Variants in RBM5 observed in about 807,000 individuals in gnomAD.
The protein encoded by RBM5 is RNA-binding protein 5.
In RBM5, 15 loss-of-function variants were observed where a neutral mutation model predicts 124.6. That is an observed-to-expected ratio of 0.12 (90% CI 0.08 to 0.19). The LOEUF (loss-of-function observed/expected upper bound fraction) is 0.19, where lower values mean the gene tolerates loss of function less well. Ranked by LOEUF, RBM5 falls within the 10% of genes least tolerant of loss-of-function variation. The pLI, the probability that RBM5 is intolerant of heterozygous loss-of-function variation, is 1.00. For synonymous variants in RBM5, 337 were observed against 361.2 expected, an observed-to-expected ratio of 0.93 and a Z score of 0.76; for missense variants, 580 against 1,026.5, an observed-to-expected ratio of 0.57 and a Z score of 5.94.
chr3:50,114,577 G>C (rs2091207803), intron 20 of RBM5: 1 of 279,634 alleles, frequency 3.6e-6, no homozygotes, highest in South Asian at 6.9e-5. Context: ...TACTGGTCTG[G>C]GTGGGCCATT....
At chr3:50,110,014 C>G (rs1351383479) in intron 15 of RBM5, among the ~76,000 whole-genome samples, 1 of 152,042 alleles carries the variant, frequency 6.6e-6, no homozygotes, top group Non-Finnish European at 1.5e-5. Context: ...AGATCAAGAC[C>G]ATCCTGGCTA....
intron 6 of RBM5, chr3:50,101,147 CTAGT>C (rs5848906): frequency 0.53 from 80,061 of 151,654 alleles, 21,742 homozygotes; most frequent in East Asian, 0.86. Flanking sequence ...GCTGTCTAAT[CTAGT>C]TAGAGTGGCA....
chr3:50,095,219 A>G (rs1685517854), intron 4 of RBM5, among the ~76,000 whole-genome samples: 2 of 152,156 alleles, frequency 1.3e-5, no homozygotes, highest in South Asian at 4.2e-4. Flanking sequence ...AAAGAAGTAA[A>G]TTACCATATT....
At chr3:50,103,754 G>A (rs2090984034) in intron 7 of RBM5, among the ~76,000 whole-genome samples, 1 of 152,148 alleles carries the variant, frequency 6.6e-6, no homozygotes, top group African/African-American at 2.4e-5. Flanking sequence ...CTCAGTTTTT[G>A]GCGTAGTCTC....
At chr3:50,095,661 T>G (rs753779421) in intron 4 of RBM5, among the ~76,000 whole-genome samples, 7 of 151,816 alleles carry the variant, frequency 4.6e-5, no homozygotes, top group African/African-American at 9.7e-5. Context: ...GGGCAGAGCT[T>G]CTTCTTCGTT....
chr3:50,090,277 T>G, intron 1 of RBM5, 105 bp from the exon 2 acceptor site: 1 of 685,358 alleles, frequency 1.5e-6, no homozygotes, highest in Non-Finnish European at 2.4e-6. Flanking sequence ...CTGTCAATGA[T>G]TTGAAGGTTT....
chr3:50,106,590 C>T, intron 10 of RBM5, 177 bp from the exon 11 acceptor site: 1 of 577,570 alleles, frequency 1.7e-6, no homozygotes, highest in Non-Finnish European at 3.1e-6. Context: ...TACTGGAAAC[C>T]TTCACATCTT....
At chr3:50,109,496 C>A in intron 14 of RBM5, 107 bp from the exon 15 acceptor site, 1 of 832,204 alleles carries the variant, frequency 1.2e-6, no homozygotes, top group Non-Finnish European at 2.0e-6. Context: ...TTATGAAGAA[C>A]TGACATATAC....
chr3:50,098,465 G>A (rs1275935320), intron 4 of RBM5, among the ~76,000 whole-genome samples: 1 of 151,116 alleles, frequency 6.6e-6, no homozygotes, highest in Non-Finnish European at 1.5e-5. Flanking sequence ...TTTTTTTTGA[G>A]ACGGAGTCTC....
rs932142313 is a variant in RBM5, at chr3:50,110,602, C to A, written c.1364-77C>A. 2.8e-6 allele frequency: 4 copies of A among 1,453,548 alleles called. No individual in the cohort carries two copies. The African/African-American group carries it at 4.2e-5, about 15-fold the overall frequency. The allele number at this position is 1,453,548 out of a possible 1,614,324, so 90.0% of individuals were successfully genotyped here. A position where few individuals can be genotyped will look rare whatever the true frequency, so the allele number is the denominator to read the frequency against. ...CAGAGAAGAAACATTAGGCCTGCTG[C>A]ATCTCACTGGCTTAGAATTTGAAAT... On this transcript the variant is annotated intron_variant, in intron 16 of 24. Coordinates refer to ENST00000347869, the MANE Select transcript of RBM5 (RefSeq NM_005778.4).
At position 50,105,141 on chromosome 3, in the gene RBM5, T is replaced by C. The variant is rs1344439018; in HGVS notation, c.693T>C (p.Asp231=). ...ESVQSVDYYC[D]TIILRNIAPH... ...TTCAGTCTGTGGATTACTACTGTGATAGTAAGTTCATACACGATCTTTTGG... is the reference window on the plus strand; with the variant it reads ...TTCAGTCTGTGGATTACTACTGTGACAGTAAGTTCATACACGATCTTTTGG... Residue 231 remains aspartate, a splice_region_variant and synonymous_variant, in exon 9 of 25, where the codon GAT becomes GAC. Transcript: ENST00000347869. 1 of 1,583,904 alleles carries C rather than the reference T, an allele frequency of 6.3e-7. No individual in the cohort carries two copies. The highest frequency in any genetic ancestry group is 8.7e-7 in the Non-Finnish European group (1 of 1,153,014).
chr3:50,117,199 G>A lies in RBM5; in HGVS notation c.2192+28G>A, dbSNP rs752203209. On this transcript the variant is annotated intron_variant, in intron 23 of 24. Coordinates refer to ENST00000347869, the MANE Select transcript of RBM5 (RefSeq NM_005778.4). This position sits in a 1 kb window ranked among gnomAD's most constrained non-coding sequence, Gnocchi z 4.2. ...ATGTGATGTGCACATTTTCCAGTTCGTAAGCTGGGGCCCTGGCTGTTTTAA... is the reference window on the plus strand; with the variant it reads ...ATGTGATGTGCACATTTTCCAGTTCATAAGCTGGGGCCCTGGCTGTTTTAA... 2.2e-4 allele frequency: 353 copies of A among 1,614,072 alleles called. No homozygotes were observed. Among genetic ancestry groups the A allele is most frequent in the Non-Finnish European group, 2.6e-4 (311 of 1,180,044 alleles).
intron 4 of RBM5, chr3:50,099,556 G>A (rs1159088556): frequency 6.5e-6 from 1 of 154,820 alleles, no homozygotes; most frequent in East Asian, 1.9e-4. Flanking sequence ...AAATTAGCTG[G>A]ATGTGGTGGT....
intron 22 of RBM5, 75 bp from the exon 23 acceptor site, chr3:50,116,999 T>G: frequency 7.3e-7 from 1 of 1,369,078 alleles, no homozygotes; most frequent in Non-Finnish European, 1.0e-6. Context: ...GAGGGGATAG[T>G]TTTGAATAGG....
intron 17 of RBM5, among the ~76,000 whole-genome samples, chr3:50,111,724 T>G (rs916211440): frequency 6.6e-6 from 1 of 152,198 alleles, no homozygotes; most frequent in African/African-American, 2.4e-5. Flanking sequence ...GATTACCTTT[T>G]GTGTCCAGCA....
chr3:50,110,287 A>G, intron 15 of RBM5, 92 bp from the exon 16 acceptor site: 5 of 1,056,370 alleles, frequency 4.7e-6, no homozygotes, highest in Non-Finnish European at 7.1e-6. Flanking sequence ...TGTGTCTGTC[A>G]GGGGAGCCCT....
At chr3:50,089,463 C>T (rs369364502) in intron 1 of RBM5, among the ~76,000 whole-genome samples, 1 of 152,192 alleles carries the variant, frequency 6.6e-6, no homozygotes, top group Non-Finnish European at 1.5e-5. Flanking sequence ...GCGGGAGGGG[C>T]ATGTGCGGGG....
intron 21 of RBM5, 93 bp downstream of exon 21, chr3:50,115,700 G>A: frequency 7.0e-7 from 1 of 1,423,704 alleles, no homozygotes; most frequent in Non-Finnish European, 9.5e-7. Flanking sequence ...AAAAATACCT[G>A]CCATCTAATG....
At chr3:50,104,119 T>A in intron 7 of RBM5, 129 bp from the exon 8 acceptor site, 4 of 718,938 alleles carry the variant, frequency 5.6e-6, no homozygotes, top group Non-Finnish European at 4.9e-6. Flanking sequence ...TATGTCCCCA[T>A]GTCTCAGCTA....
Sources: allele counts gnomAD v4.1 joint callset (sites outside exome capture counted in the v4.1 genomes callset), GRCh38; gene constraint gnomAD v4.1.1; non-coding constraint Gnocchi (gnomAD v3.1); transcripts MANE v1.5; gene names NCBI Gene and HGNC (gene_info 2026-07-23, HGNC 2026-07-21).